ZNF407: variants seen among roughly 807,000 people sequenced by gnomAD.
ZNF407 encodes zinc finger protein 407.
A neutral mutation model predicts 131.2 loss-of-function variants in ZNF407; 17 were observed. That is an observed-to-expected ratio of 0.13 (90% CI 0.09 to 0.19). The LOEUF is 0.19. Ranked by LOEUF, ZNF407 falls within the 10% of genes least tolerant of loss-of-function variation. The pLI is 1.00. For synonymous variants in ZNF407, 1,156 were observed against 1,062.0 expected (o/e 1.09, Z -1.72); for missense variants, 2,681 against 2,830.6 (o/e 0.95, Z 1.20).
intron 8 of ZNF407, among the ~76,000 whole-genome samples, chr18:74,924,592 T>G (rs890918975): frequency 6.6e-6 from 1 of 152,176 alleles, no homozygotes; most frequent in African/African-American, 2.4e-5. Flanking sequence ...TGGTACTCAT[T>G]CACTACATTT....
intron 3 of ZNF407, among the ~76,000 whole-genome samples, chr18:74,682,903 G>A (rs556998760): frequency 7.8e-4 from 119 of 152,300 alleles, no homozygotes; most frequent in African/African-American, 2.5e-3. Context: ...GTGGTGTGCT[G>A]GGGGATCTTT....
intron 7 of ZNF407, among the ~76,000 whole-genome samples, chr18:74,919,932 C>A (rs186224716): frequency 6.6e-6 from 1 of 152,302 alleles, no homozygotes; most frequent in Admixed American, 6.5e-5. Flanking sequence ...TTGCATTTTC[C>A]ATGCCATCAC....
chr18:74,758,383 A>G (rs1230707352), intron 3 of ZNF407, among the ~76,000 whole-genome samples: 1 of 152,180 alleles, frequency 6.6e-6, no homozygotes, highest in East Asian at 1.9e-4. Flanking sequence ...TCTTATAACA[A>G]TCTAGTTTTT....
chr18:74,988,122 A>G (rs1330123015), intron 8 of ZNF407, among the ~76,000 whole-genome samples: 1 of 152,246 alleles, frequency 6.6e-6, no homozygotes, highest in Admixed American at 6.5e-5. Context: ...GACCCACACA[A>G]GCGTGTGGTC....
intron 3 of ZNF407, among the ~76,000 whole-genome samples, chr18:74,690,874 C>T (rs574643332): frequency 2.1e-4 from 32 of 152,262 alleles, no homozygotes; most frequent in South Asian, 1.5e-3. Flanking sequence ...GAGAAGGAAT[C>T]TCATAATTAA....
rs143441951 is a variant in ZNF407, at chr18:74,991,498, T to C, written c.5428+70806T>C. On this transcript the variant is annotated intron_variant, in intron 8 of 8. Transcript: ENST00000299687. ...TTTACAATGAAGAGAAGGCAAGTCTTGTGTGGCAATTTTTCTATTTAAAAT... is the reference window on the plus strand; with the variant it reads ...TTTACAATGAAGAGAAGGCAAGTCTCGTGTGGCAATTTTTCTATTTAAAAT... Among the ~76,000 whole-genome samples, 546 of 152,358 alleles carry C rather than the reference T, an allele frequency of 3.6e-3. 2 individuals are homozygous for C. Among genetic ancestry groups the C allele is most frequent in the African/African-American group, 0.012 (516 of 41,578 alleles).
At position 74,620,913 on chromosome 18, in the gene ZNF407, C is replaced by T. The variant is rs1983483763; in HGVS notation, c.-53-10054C>T. On this transcript the variant is annotated intron_variant, in intron 1 of 8. Coordinates refer to ENST00000299687, the MANE Select transcript of ZNF407 (RefSeq NM_017757.3). ...TTATGGCTGTGAGAATTGTAGGCTG[C>T]TGAAATGTCTGAGCCAAGCTGGCAA... 3.3e-5 allele frequency among the ~76,000 whole-genome samples: 5 copies of T among 152,240 alleles called. No individual in the cohort carries two copies. In the South Asian group the frequency reaches 1.0e-3, roughly 32 times the overall value.
chr18:74,858,678 A>T (rs1043905008), intron 4 of ZNF407, among the ~76,000 whole-genome samples: 1 of 152,122 alleles, frequency 6.6e-6, no homozygotes, highest in Admixed American at 6.5e-5. Context: ...ACTTTTCCTT[A>T]TTGATCTCAA....
chr18:74,799,389 G>A (rs1234380658), intron 4 of ZNF407, among the ~76,000 whole-genome samples: 1 of 152,054 alleles, frequency 6.6e-6, no homozygotes, highest in African/African-American at 2.4e-5. Context: ...GATCCCTTGA[G>A]AGAATTCCTG....
At chr18:74,717,062 C>T (rs540476550) in intron 3 of ZNF407, among the ~76,000 whole-genome samples, 3 of 152,106 alleles carry the variant, frequency 2.0e-5, no homozygotes, top group East Asian at 1.9e-4. Flanking sequence ...AATATATATA[C>T]GTATATGAGA....
intron 8 of ZNF407, among the ~76,000 whole-genome samples, chr18:74,948,166 T>G (rs1972174695): frequency 1.3e-5 from 2 of 152,236 alleles, no homozygotes; most frequent in South Asian, 4.1e-4. Flanking sequence ...TTATATTGCT[T>G]TAACTACTCA....
intron 1 of ZNF407, among the ~76,000 whole-genome samples, chr18:74,624,488 T>A (rs1330844702): frequency 6.6e-6 from 1 of 152,234 alleles, no homozygotes; most frequent in African/African-American, 2.4e-5. Context: ...ATTCTAGTTC[T>A]GGACCGTATT....
At chr18:74,798,813 AATTTT>A (rs1568220729) in intron 4 of ZNF407, among the ~76,000 whole-genome samples, 1 of 152,070 alleles carries the variant, frequency 6.6e-6, no homozygotes, top group Non-Finnish European at 1.5e-5. Context: ...TTTCAAACTT[AATTTT>A]ATTTTTGCAA....
At chr18:74,834,754 C>T (rs2145122849) in intron 4 of ZNF407, among the ~76,000 whole-genome samples, 1 of 152,240 alleles carries the variant, frequency 6.6e-6, no homozygotes, top group Admixed American at 6.5e-5. Flanking sequence ...AAAACAGTGC[C>T]CCACTTTTTT....
intron 1 of ZNF407, among the ~76,000 whole-genome samples, chr18:74,604,969 G>A (rs1178420440): frequency 6.6e-6 from 1 of 152,132 alleles, no homozygotes. Flanking sequence ...AAGCAGTTTC[G>A]CTTAGTGGCA....
At chr18:74,912,641 T>G (rs1490757448) in intron 7 of ZNF407, among the ~76,000 whole-genome samples, 2 of 152,198 alleles carry the variant, frequency 1.3e-5, no homozygotes, top group East Asian at 3.9e-4. Flanking sequence ...TAGTATTTAA[T>G]GTGATATAAC....
chr18:74,973,516 CAAACAT>C (rs1434775105), intron 8 of ZNF407, among the ~76,000 whole-genome samples: 1 of 152,198 alleles, frequency 6.6e-6, no homozygotes, highest in Non-Finnish European at 1.5e-5. Flanking sequence ...GCGATTACAA[CAAACAT>C]CAATGACTGA....
At position 74,680,113 on chromosome 18, in the gene ZNF407, T is replaced by C. The variant is rs75421943; in HGVS notation, c.4802+38991T>C. 2.1e-4 allele frequency among the ~76,000 whole-genome samples: 32 copies of C among 152,246 alleles called. No homozygotes were observed. The East Asian group carries it at 6.0e-3, about 28-fold the overall frequency. ...TTCATGATAAGCCAGAAAATCAGGC[T>C]GGGGTGGTGGCTAACACCTGTAATC... is the stretch of plus-strand genomic sequence containing the variant. On this transcript the variant is annotated intron_variant, in intron 3 of 8. Coordinates refer to ENST00000299687, the MANE Select transcript of ZNF407 (RefSeq NM_017757.3).
intron 8 of ZNF407, among the ~76,000 whole-genome samples, chr18:74,943,632 T>C (rs1359030417): frequency 6.6e-6 from 1 of 152,230 alleles, no homozygotes; most frequent in Admixed American, 6.5e-5. Context: ...TGAAATTTTG[T>C]CACAGCTGCA....
Sources: allele counts gnomAD v4.1 joint callset (sites outside exome capture counted in the v4.1 genomes callset), GRCh38; gene constraint gnomAD v4.1.1; transcripts MANE v1.5; gene names NCBI Gene and HGNC (gene_info 2026-07-23, HGNC 2026-07-21).